The following PKIB variants were observed in gnomAD, a reference collection of about 807,000 sequenced individuals.
PKIB encodes cAMP-dependent protein kinase inhibitor beta, also known as PKI-beta.
A neutral mutation model predicts 4.5 loss-of-function variants in PKIB; 2 were observed. That is an observed-to-expected ratio of 0.44 (90% CI 0.18 to 1.39). The LOEUF is 1.39. Ranked by LOEUF, PKIB falls within the 40% of genes most tolerant of loss-of-function variation. The pLI is 0.27. For missense variants in PKIB, 94 were observed against 92.6 expected (o/e 1.02, Z -0.06); for synonymous variants, 38 against 36.0 (o/e 1.06, Z -0.20).
At chr6:122,618,792 A>G (rs986069067) in intron 1 of PKIB, among the ~76,000 whole-genome samples, 1 of 152,118 alleles carries the variant, frequency 6.6e-6, no homozygotes, top group Non-Finnish European at 1.5e-5. Flanking sequence ...TTGATACATC[A>G]TATACACCTA....
chr6:122,690,928 A>ATG (rs1191940583), intron 3 of PKIB, among the ~76,000 whole-genome samples: 1 of 93,136 alleles, frequency 1.1e-5, no homozygotes, highest in African/African-American at 4.2e-5. Context: ...ATATATATAT[A>ATG]TATATTTTTT....
chr6:122,688,874 G>A lies in PKIB; in HGVS notation c.-9+13730G>A, dbSNP rs574077862. 4.6e-5 allele frequency among the ~76,000 whole-genome samples: 7 copies of A among 150,680 alleles called. No homozygotes were observed. The South Asian group carries it at 8.4e-4, about 18-fold the overall frequency. ...CGGCTCACTGCAAGCTCCGCCTCCC[G>A]GGTTCACGCCATTCTCCTGCCTCAG... On this transcript the variant is annotated intron_variant, in intron 3 of 4. Transcript: ENST00000368452.
chr6:122,713,955 T>C (rs960636822), intron 3 of PKIB, among the ~76,000 whole-genome samples: 1 of 152,222 alleles, frequency 6.6e-6, no homozygotes, highest in African/African-American at 2.4e-5. Context: ...TCAGTGGATC[T>C]AATACATTCT....
intron 3 of PKIB, among the ~76,000 whole-genome samples, chr6:122,693,330 T>G (rs1226644812): frequency 6.6e-6 from 1 of 152,194 alleles, no homozygotes; most frequent in Non-Finnish European, 1.5e-5. Context: ...AGTGAGAATA[T>G]TTAAAATTAT....
At chr6:122,515,547 CATTT>C (rs1175542850) in intron 2 of PKIB, among the ~76,000 whole-genome samples, 20 of 152,214 alleles carry the variant, frequency 1.3e-4, no homozygotes, top group African/African-American at 4.6e-4. Context: ...AAGAACAAAG[CATTT>C]ATTAAGAGAT....
chr6:122,594,798 G>A (rs1333982707), intron 3 of PKIB, among the ~76,000 whole-genome samples: 2 of 152,094 alleles, frequency 1.3e-5, no homozygotes, highest in African/African-American at 4.8e-5. Flanking sequence ...GACCTTAATA[G>A]CAGGGCATGG....
chr6:122,587,420 C>T (rs1372049207), intron 3 of PKIB, among the ~76,000 whole-genome samples: 3 of 152,122 alleles, frequency 2.0e-5, no homozygotes, highest in Non-Finnish European at 4.4e-5. Context: ...TTAATCCAGT[C>T]TATCATTGTT....
chr6:122,678,503 CTGTTT>C (rs912180740), intron 3 of PKIB, among the ~76,000 whole-genome samples: 2 of 152,068 alleles, frequency 1.3e-5, no homozygotes, highest in African/African-American at 4.8e-5. Flanking sequence ...TTGCATCTTT[CTGTTT>C]TGTTTTGTTT....
intron 3 of PKIB, among the ~76,000 whole-genome samples, chr6:122,703,062 C>A (rs537328826): frequency 2.0e-5 from 3 of 152,174 alleles, no homozygotes; most frequent in South Asian, 4.1e-4. Context: ...CAGAAAGATT[C>A]AATTGACTTC....
At chr6:122,564,696 G>A (rs1773130651) in intron 2 of PKIB, among the ~76,000 whole-genome samples, 1 of 152,164 alleles carries the variant, frequency 6.6e-6, no homozygotes, top group Non-Finnish European at 1.5e-5. Flanking sequence ...GCATCATGGA[G>A]GATTTTATTT....
chr6:122,540,481 T>C (rs1777559698), intron 2 of PKIB, among the ~76,000 whole-genome samples: 1 of 152,054 alleles, frequency 6.6e-6, no homozygotes, highest in Admixed American at 6.5e-5. Flanking sequence ...TTCCATGTAG[T>C]TGAGTGGTTT....
chr6:122,538,103 G>A (rs1232734837), intron 2 of PKIB, among the ~76,000 whole-genome samples: 1 of 151,950 alleles, frequency 6.6e-6, no homozygotes, highest in Non-Finnish European at 1.5e-5. Flanking sequence ...AGTAGGTTGT[G>A]AAAATTTTCT....
chr6:122,526,509 A>G (rs942210437), intron 2 of PKIB, among the ~76,000 whole-genome samples: 9 of 152,158 alleles, frequency 5.9e-5, no homozygotes, highest in African/African-American at 2.2e-4. Context: ...CAAAAACAAC[A>G]TTAATTTCCC....
chr6:122,705,715 G>A (rs1003621240), intron 3 of PKIB, among the ~76,000 whole-genome samples: 5 of 151,834 alleles, frequency 3.3e-5, no homozygotes, highest in African/African-American at 1.2e-4. Flanking sequence ...ACAGGCACAT[G>A]CCACCACGCC....
intron 3 of PKIB, among the ~76,000 whole-genome samples, chr6:122,703,078 C>G (rs925045061): frequency 6.6e-6 from 1 of 152,106 alleles, no homozygotes; most frequent in South Asian, 2.1e-4. Flanking sequence ...ACTTCTCTTA[C>G]GAAACAAGCT....
In PKIB at chr6:122,658,892, G is replaced by T. The variant is rs917641990; in HGVS notation, c.-75-16186G>T. ...TGAGTACCTACTTACCATCTGCCAGGCACTCCTCTAGATACTGGGAATATA... is the reference window on the plus strand; with the variant it reads ...TGAGTACCTACTTACCATCTGCCAGTCACTCCTCTAGATACTGGGAATATA... On this transcript the variant is annotated intron_variant, in intron 2 of 4. Coordinates refer to ENST00000368452, the MANE Select transcript of PKIB (RefSeq NM_181795.3). Among the ~76,000 whole-genome samples the T allele has an allele frequency of 2.5e-5, 3 of 121,738 alleles. No individual in the cohort carries two copies. The East Asian group carries it at 7.6e-4, about 31-fold the overall frequency. The allele number at this position is 121,738 out of a possible 152,430, so 79.9% of individuals were successfully genotyped here. A position where few individuals can be genotyped will look rare whatever the true frequency, so the allele number is the denominator to read the frequency against.
At chr6:122,535,120 G>A (rs904204881) in intron 2 of PKIB, among the ~76,000 whole-genome samples, 1 of 152,008 alleles carries the variant, frequency 6.6e-6, no homozygotes, top group Non-Finnish European at 1.5e-5. Context: ...ACATCTAACT[G>A]TGGAGATCTG....
intron 2 of PKIB, among the ~76,000 whole-genome samples, chr6:122,504,019 A>G (rs1582662442): frequency 6.6e-6 from 1 of 152,234 alleles, no homozygotes; most frequent in Admixed American, 6.5e-5. Context: ...TTAAAAACAG[A>G]TAACAATACA....
At chr6:122,496,170 G>C (rs1012172640) in intron 2 of PKIB, among the ~76,000 whole-genome samples, 2 of 152,150 alleles carry the variant, frequency 1.3e-5, no homozygotes, top group Admixed American at 6.5e-5. Flanking sequence ...TTACCTGCAA[G>C]TGCTGTCTAC....
Sources: allele counts gnomAD v4.1 joint callset (sites outside exome capture counted in the v4.1 genomes callset), GRCh38; gene constraint gnomAD v4.1.1; transcripts MANE v1.5; gene names NCBI Gene and HGNC (gene_info 2026-07-23, HGNC 2026-07-21).